Variants in C18orf63 observed in about 807,000 individuals in gnomAD.
The protein encoded by C18orf63 is uncharacterized protein C18orf63.
A neutral mutation model predicts 75.3 loss-of-function variants in C18orf63; 50 were observed. The ratio of observed to expected loss-of-function variants is 0.66; its 90% CI spans 0.53 to 0.84. C18orf63 has a LOEUF of 0.84. Ranked by LOEUF, C18orf63 falls within the 40% of genes least tolerant of loss-of-function variation. The pLI is 0.00. For synonymous variants in C18orf63, 232 were observed against 267.6 expected (o/e 0.87, Z 1.30); for missense variants, 732 against 800.2 (o/e 0.91, Z 1.03).
intron 4 of C18orf63, among the ~76,000 whole-genome samples, chr18:74,327,416 C>G (rs1325370798): frequency 6.6e-6 from 1 of 152,220 alleles, no homozygotes; most frequent in Admixed American, 6.5e-5. Flanking sequence ...GGTGTATAAG[C>G]TCTGGAAAAC....
chr18:74,317,783 A>G (rs1448030284), intron 1 of C18orf63, 51 bp from the exon 2 acceptor site: 19 of 1,062,788 alleles, frequency 1.8e-5, no homozygotes, highest in Non-Finnish European at 2.4e-5. Flanking sequence ...TGGTATTGGA[A>G]CTCTATTGGT....
At chr18:74,350,548 G>A (rs111431382) in intron 11 of C18orf63, among the ~76,000 whole-genome samples, 307 of 152,278 alleles carry the variant, frequency 2.0e-3, no homozygotes, top group African/African-American at 6.8e-3. Context: ...GCCCGGAACA[G>A]ATCCTTTCCT....
At chr18:74,327,549 G>A (rs1036924097) in intron 4 of C18orf63, among the ~76,000 whole-genome samples, 1 of 152,130 alleles carries the variant, frequency 6.6e-6, no homozygotes, top group African/African-American at 2.4e-5. Flanking sequence ...GCAAGAAATA[G>A]CAGCCCAACG....
chr18:74,352,464 G>A (rs765410740), intron 11 of C18orf63, among the ~76,000 whole-genome samples: 3 of 140,166 alleles, frequency 2.1e-5, no homozygotes, highest in Admixed American at 1.4e-4. Context: ...GACTGTAAAC[G>A]CTTGGCTCTT....
Position 74,359,162 on chromosome 18 carries a change from T to A in C18orf63, c.*2715T>A, listed in dbSNP as rs1055835408. On this transcript the variant is annotated 3_prime_UTR_variant, in exon 14 of 14. Transcript: ENST00000579455. ...CGTTACATAGTGTCTTATTCAAAATTGAAAATAATAAAGGTATTTCTAATA... is the reference window on the plus strand; with the variant it reads ...CGTTACATAGTGTCTTATTCAAAATAGAAAATAATAAAGGTATTTCTAATA... 1 of 152,206 alleles carries A rather than the reference T, an allele frequency of 6.6e-6. No individual in the cohort carries two copies. The highest frequency in any genetic ancestry group is 2.4e-5 in the African/African-American group (1 of 41,462). The allele number at this position is 152,206 out of a possible 1,614,324, so 9.4% of individuals were successfully genotyped here. A position where few individuals can be genotyped will look rare whatever the true frequency, so the allele number is the denominator to read the frequency against.
chr18:74,352,419 GTA>G (rs1207796736), intron 11 of C18orf63, among the ~76,000 whole-genome samples: 1 of 152,198 alleles, frequency 6.6e-6, no homozygotes, highest in Non-Finnish European at 1.5e-5. Context: ...TTATTTATGT[GTA>G]TGTGTGTGTG....
intron 11 of C18orf63, 90 bp downstream of exon 11, chr18:74,343,792 AC>A: frequency 5.5e-6 from 4 of 721,634 alleles, no homozygotes; most frequent in Non-Finnish European, 8.3e-6. Context: ...GGAACACCCA[AC>A]GCAGTGTGCA....
chr18:74,317,994 G>A lies in C18orf63; in HGVS notation c.129G>A (p.Met43Ile). 6.7e-7 allele frequency: 1 copy of A among 1,485,612 alleles called. No homozygotes were observed. Among genetic ancestry groups the A allele is most frequent in the South Asian group, 1.4e-5 (1 of 73,076 alleles). The allele number at this position is 1,485,612 out of a possible 1,614,324, so 92.0% of individuals were successfully genotyped here. Residue 43 changes from methionine to isoleucine, a missense_variant, in exon 2 of 14, where the codon ATG (methionine) becomes ATA (isoleucine). Physicochemically the swap from Met to Ile is conservative, Grantham distance 10. This residue lies in a region of C18orf63 where 233 missense variants were observed against 272.7 expected (regional missense o/e 0.85). Transcript: ENST00000579455. The stretch of plus-strand genomic sequence containing the variant: ...AGATTAGGACTATACAAATGAAGAT[G>A]TGCAGGTAAAAAAATACATCTTATA... ...DTEIRTIQMKMCRQLLFLHQD... is the reference protein window; with the variant it reads ...DTEIRTIQMKICRQLLFLHQD...
At chr18:74,352,044 G>A (rs1984674904) in intron 11 of C18orf63, among the ~76,000 whole-genome samples, 1 of 151,742 alleles carries the variant, frequency 6.6e-6, no homozygotes, top group Non-Finnish European at 1.5e-5. Flanking sequence ...TGCTATATAA[G>A]TACAGTGGAA....
chr18:74,344,680 A>G (rs1356007863), intron 11 of C18orf63, among the ~76,000 whole-genome samples: 1 of 152,120 alleles, frequency 6.6e-6, no homozygotes, highest in Non-Finnish European at 1.5e-5. Context: ...TAGAGTATGT[A>G]TTCCTTTGTG....
intron 11 of C18orf63, among the ~76,000 whole-genome samples, chr18:74,351,028 A>G (rs916743478): frequency 1.1e-4 from 16 of 152,082 alleles, no homozygotes; most frequent in Non-Finnish European, 2.1e-4. Flanking sequence ...TAAACTACCT[A>G]CTTTGTTATA....
chr18:74,354,112 T>G lies in C18orf63; in HGVS notation c.1845T>G (p.Asn615Lys), dbSNP rs1167054588. 7 of 1,535,904 alleles carry G rather than the reference T, an allele frequency of 4.6e-6. No homozygotes were observed. The highest frequency in any genetic ancestry group is 5.2e-6 in the Non-Finnish European group (6 of 1,146,906). The change falls in exon 12 of 14, where the codon AAT becomes AAG. Residue 615 changes from asparagine (N) to lysine (K), a missense_variant. By Grantham distance (94) the Asn-to-Lys change is moderately conservative. Coordinates refer to ENST00000579455, the MANE Select transcript of C18orf63 (RefSeq NM_001174123.2). ...GACTGCTACAGCAGCAATCAGAAAA[T>G]CAAGCTAAAGAAGTTGGTACAAGTG... ...DPRLLQQQSENQAKEVGTSDH... is the reference protein window; with the variant it reads ...DPRLLQQQSEKQAKEVGTSDH...
chr18:74,328,936 T>C lies in C18orf63; in HGVS notation c.383-59T>C, dbSNP rs1984254921. 2.4e-5 allele frequency: 23 copies of C among 939,650 alleles called. No homozygotes were observed. In the South Asian group the frequency reaches 3.3e-4, roughly 13 times the overall value. 58.2% of individuals were successfully genotyped at this position (939,650 alleles called of 1,614,324 possible). A position where few individuals can be genotyped will look rare whatever the true frequency, so the allele number is the denominator to read the frequency against. The stretch of plus-strand genomic sequence containing the variant: ...ATCTCACATCAAGCATAGTTATAAA[T>C]ATCAAGCATGATTATTTATGAGTTG... On this transcript the variant is annotated intron_variant, in intron 5 of 13. Transcript: ENST00000579455.
chr18:74,345,922 G>A (rs1349731498), intron 11 of C18orf63, among the ~76,000 whole-genome samples: 1 of 151,678 alleles, frequency 6.6e-6, no homozygotes, highest in Non-Finnish European at 1.5e-5. Context: ...TACACATTGA[G>A]TTTCAACTTG....
intron 7 of C18orf63, among the ~76,000 whole-genome samples, chr18:74,337,187 C>A (rs1036612838): frequency 2.0e-5 from 3 of 152,024 alleles, no homozygotes; most frequent in Admixed American, 6.6e-5. Context: ...TTATTGAATA[C>A]CTGCTTTTCA....
Position 74,358,809 on chromosome 18 carries a change from A to G in C18orf63, c.*2362A>G, listed in dbSNP as rs529422976. On this transcript the variant is annotated 3_prime_UTR_variant, in exon 14 of 14. Coordinates refer to ENST00000579455, the MANE Select transcript of C18orf63 (RefSeq NM_001174123.2). The stretch of plus-strand genomic sequence containing the variant: ...CTAGGAATGCAAAAGTGCTTCTCAT[A>G]TACTCATATATTAGGTTTCACAGTA... 7 of 152,166 alleles carry G rather than the reference A, an allele frequency of 4.6e-5. No homozygotes were observed. The highest frequency in any genetic ancestry group is 8.8e-5 in the Non-Finnish European group (6 of 68,010). 9.4% of individuals were successfully genotyped at this position (152,166 alleles called of 1,614,324 possible).
At chr18:74,343,726 A>G (rs1176267285) in intron 11 of C18orf63, 24 bp downstream of exon 11, 2 of 1,404,430 alleles carry the variant, frequency 1.4e-6, no homozygotes, top group Non-Finnish European at 1.9e-6. Context: ...TGTCCTATCT[A>G]GTTCTCCAAG....
intron 8 of C18orf63, among the ~76,000 whole-genome samples, chr18:74,341,201 T>G (rs1984477252): frequency 1.5e-5 from 2 of 129,624 alleles, no homozygotes; most frequent in African/African-American, 6.0e-5. Context: ...GAGGCGGAGC[T>G]TGCAGCTTGC....
At chr18:74,335,186 T>C (rs1568237158) in intron 7 of C18orf63, among the ~76,000 whole-genome samples, 1 of 152,158 alleles carries the variant, frequency 6.6e-6, no homozygotes, top group Non-Finnish European at 1.5e-5. Flanking sequence ...TTAGTAAAGA[T>C]TTATGGAATG....
Sources: allele counts gnomAD v4.1 joint callset (sites outside exome capture counted in the v4.1 genomes callset), GRCh38; gene constraint gnomAD v4.1.1; regional missense constraint gnomAD v4.1.1; transcripts MANE v1.5; gene names NCBI Gene and HGNC (gene_info 2026-07-23, HGNC 2026-07-21).